COL5A1: variants seen among roughly 807,000 people sequenced by gnomAD.
COL5A1 encodes the protein collagen alpha-1(V) chain.
Under a neutral mutation model 263.7 loss-of-function variants are expected in COL5A1, and 16 were observed. That is an observed-to-expected ratio of 0.06 (90% CI 0.04 to 0.09). COL5A1 has a LOEUF of 0.09. Ranked by LOEUF, COL5A1 falls within the 10% of genes least tolerant of loss-of-function variation. The pLI is 1.00. For missense variants in COL5A1, 2,036 were observed against 2,540.5 expected (o/e 0.80, Z 4.27); for synonymous variants, 1,012 against 1,004.5 (o/e 1.01, Z -0.14).
chr9:134,685,403 CA>C (rs1833011801), intron 1 of COL5A1, among the ~76,000 whole-genome samples: 1 of 149,018 alleles, frequency 6.7e-6, no homozygotes, highest in Admixed American at 6.6e-5. Flanking sequence ...ATCCACCATC[CA>C]TCCATTAATT....
At chr9:134,817,583 C>T (rs781705707) in intron 53 of COL5A1, among the ~76,000 whole-genome samples, 195 bp from the exon 54 acceptor site, 8 of 152,138 alleles carry the variant, frequency 5.3e-5, no homozygotes, top group African/African-American at 1.4e-4. Flanking sequence ...CGTGTCACTG[C>T]GGGTGGCCCG....
intron 37 of COL5A1, among the ~76,000 whole-genome samples, chr9:134,801,304 C>T (rs149746239): frequency 3.7e-4 from 57 of 152,364 alleles, no homozygotes; most frequent in African/African-American, 1.2e-3. Context: ...GAGGCGTTCA[C>T]GCCAAAGCAG....
At position 134,642,054 on chromosome 9, in the gene COL5A1, G is replaced by A; in HGVS notation, c.-134G>A. The A allele has an allele frequency of 2.7e-6, 2 of 728,058 alleles. No individual in the cohort carries two copies. Among genetic ancestry groups the A allele is most frequent in the Non-Finnish European group, 3.8e-6 (2 of 528,492 alleles). The allele number at this position is 728,058 out of a possible 1,614,324, so 45.1% of individuals were successfully genotyped here. On this transcript the variant is annotated 5_prime_UTR_variant, in exon 1 of 66. It adds an upstream start codon to the 5' untranslated region. Coordinates refer to ENST00000371817, the MANE Select transcript of COL5A1 (RefSeq NM_000093.5). The surrounding 1 kb of genome is among the most constrained non-coding windows in gnomAD (Gnocchi z 4.5). ...CCGCCGCCACAAAGAAGAACGGGGG[G>A]TGCCGAGGTCCCCATGACCTCCTAA...
intron 4 of COL5A1, among the ~76,000 whole-genome samples, chr9:134,723,446 G>C (rs1020460589): frequency 3.9e-5 from 6 of 152,262 alleles, no homozygotes; most frequent in Admixed American, 3.9e-4. Flanking sequence ...CTGAGATGTG[G>C]AGACAGGGGA....
At chr9:134,798,077 CTT>C (rs1225453245) in intron 36 of COL5A1, among the ~76,000 whole-genome samples, 1 of 152,190 alleles carries the variant, frequency 6.6e-6, no homozygotes, top group Non-Finnish European at 1.5e-5. Flanking sequence ...ACTGGACAGA[CTT>C]GGGTCCTGGC....
chr9:134,781,652 G>A (rs894731435), intron 28 of COL5A1, among the ~76,000 whole-genome samples: 1 of 152,230 alleles, frequency 6.6e-6, no homozygotes, highest in Non-Finnish European at 1.5e-5. Context: ...GTTCCCGAGG[G>A]CCACGCAGGC....
chr9:134,732,518 G>A (rs1278796047), intron 9 of COL5A1: 3 of 363,500 alleles, frequency 8.3e-6, no homozygotes, highest in Non-Finnish European at 1.0e-5. Flanking sequence ...AAAGATGCGC[G>A]CGGCAGTGGT....
At chr9:134,743,830 T>G (rs1564425439) in intron 11 of COL5A1, among the ~76,000 whole-genome samples, 1 of 152,202 alleles carries the variant, frequency 6.6e-6, no homozygotes, top group Non-Finnish European at 1.5e-5. Context: ...GAGTGCATTT[T>G]CTGTGCCTTG....
rs566096868 is a variant in COL5A1, at chr9:134,742,038, C to T, written c.1494+3230C>T. Among the ~76,000 whole-genome samples, 117 of 152,290 alleles carry T rather than the reference C, an allele frequency of 7.7e-4. No homozygotes were observed. The highest frequency in any genetic ancestry group is 2.5e-3 in the African/African-American group (106 of 41,570). On this transcript the variant is annotated intron_variant, in intron 11 of 65. Transcript: ENST00000371817. This position sits in a 1 kb window ranked among gnomAD's most constrained non-coding sequence, Gnocchi z 4.6. Reference sequence around the variant, plus strand: ...CTGGGAGCCGTCTGTGCACCTGTGCCGTGGCATCCCACTGGGTATCATGCA... The same window carrying T: ...CTGGGAGCCGTCTGTGCACCTGTGCTGTGGCATCCCACTGGGTATCATGCA...
chr9:134,662,994 C>T (rs1832254945), intron 1 of COL5A1, among the ~76,000 whole-genome samples: 1 of 152,224 alleles, frequency 6.6e-6, no homozygotes, highest in South Asian at 2.1e-4. Context: ...AAAATACTGC[C>T]TTTGCATTCA....
chr9:134,828,965 T>G (rs1031118212), intron 63 of COL5A1, among the ~76,000 whole-genome samples: 1 of 149,614 alleles, frequency 6.7e-6, no homozygotes, highest in African/African-American at 2.5e-5. Flanking sequence ...CACCATACCC[T>G]TCACACAGAC....
At chr9:134,744,523 A>T (rs988173523) in intron 11 of COL5A1, among the ~76,000 whole-genome samples, 2 of 151,502 alleles carry the variant, frequency 1.3e-5, no homozygotes, top group African/African-American at 4.9e-5. Context: ...GCACACCCCC[A>T]TACATGCACA....
intron 18 of COL5A1, among the ~76,000 whole-genome samples, chr9:134,760,562 ACACC>A (rs1836348523): frequency 8.3e-6 from 1 of 120,612 alleles, no homozygotes; most frequent in Non-Finnish European, 1.7e-5. Context: ...ACGCACATAC[ACACC>A]CACACACCCC....
chr9:134,671,358 C>CG (rs1250071563), intron 1 of COL5A1, among the ~76,000 whole-genome samples: 2 of 152,182 alleles, frequency 1.3e-5, no homozygotes, highest in Non-Finnish European at 2.9e-5. Context: ...TCTCTGGGAT[C>CG]TCGCACAGTA....
intron 64 of COL5A1, among the ~76,000 whole-genome samples, chr9:134,834,132 G>A (rs1306203325): frequency 1.3e-5 from 2 of 152,084 alleles, no homozygotes; most frequent in African/African-American, 2.4e-5. Context: ...GCTGGGAGGG[G>A]GCTCTAAGAC....
chr9:134,699,795 C>A (rs1054030945), intron 2 of COL5A1, 114 bp from the exon 3 acceptor site: 8 of 1,013,398 alleles, frequency 7.9e-6, no homozygotes, highest in Middle Eastern at 2.5e-4. Flanking sequence ...CAGTGCCCCA[C>A]GACGGGCAGC....
intron 4 of COL5A1, among the ~76,000 whole-genome samples, chr9:134,707,643 T>G (rs927780617): frequency 2.6e-4 from 40 of 152,120 alleles, no homozygotes; most frequent in Non-Finnish European, 2.9e-5. Flanking sequence ...GAGCAAGGGC[T>G]TTGTTAGAGG....
At position 134,696,410 on chromosome 9, in the gene COL5A1, CA is replaced by C. The variant is rs1243004015; in HGVS notation, c.278-3497del. Among the ~76,000 whole-genome samples the C allele has an allele frequency of 6.6e-6, 1 of 152,136 alleles. No individual in the cohort carries two copies. The highest frequency in any genetic ancestry group is 1.5e-5 in the Non-Finnish European group (1 of 68,032). On this transcript the variant is annotated intron_variant, in intron 2 of 65. Transcript: ENST00000371817. This position sits in a 1 kb window ranked among gnomAD's most constrained non-coding sequence, Gnocchi z 4.3. ...CAGGCTGGTGTGGAACTCCTGACCT[CA>C]AGTGATCCTCCTGCCTTGGCCTCCC...
intron 1 of COL5A1, among the ~76,000 whole-genome samples, chr9:134,671,470 C>T (rs972493460): frequency 2.6e-5 from 4 of 152,154 alleles, no homozygotes; most frequent in Admixed American, 6.5e-5. Flanking sequence ...CCTCTGGTCC[C>T]GGGGAAGTAA....
Sources: allele counts gnomAD v4.1 joint callset (sites outside exome capture counted in the v4.1 genomes callset), GRCh38; gene constraint gnomAD v4.1.1; non-coding constraint Gnocchi (gnomAD v3.1); transcripts MANE v1.5; gene names NCBI Gene and HGNC (gene_info 2026-07-23, HGNC 2026-07-21).